Variants in ATP11A observed in about 807,000 individuals in gnomAD.
The protein encoded by ATP11A is phospholipid-transporting ATPase IH.
Under a neutral mutation model 154.4 loss-of-function variants are expected in ATP11A, and 81 were observed. The ratio of observed to expected loss-of-function variants is 0.52; its 90% CI spans 0.44 to 0.63. The LOEUF (loss-of-function observed/expected upper bound fraction) is 0.63. ATP11A is among the 30% of genes least tolerant of loss of function. ATP11A has a pLI of 0.00. For synonymous variants in ATP11A, 623 were observed against 585.9 expected, an observed-to-expected ratio of 1.06 and a Z score of -0.91; for missense variants, 1,316 against 1,474.3, an observed-to-expected ratio of 0.89 and a Z score of 1.76.
At chr13:112,728,963 G>A (rs1890197522) in intron 1 of ATP11A, among the ~76,000 whole-genome samples, 1 of 152,200 alleles carries the variant, frequency 6.6e-6, no homozygotes, top group African/African-American at 2.4e-5. Flanking sequence ...CATGTGACAA[G>A]CAAATGCAGT....
chr13:112,836,422 G>C (rs962093108), intron 16 of ATP11A, among the ~76,000 whole-genome samples, 171 bp downstream of exon 16: 19 of 152,038 alleles, frequency 1.2e-4, no homozygotes, highest in African/African-American at 4.6e-4. Context: ...TTTTTAAAAA[G>C]TGCAACATTT....
At position 112,817,475 on chromosome 13, in the gene ATP11A, G is replaced by A. The variant is rs1393667360; in HGVS notation, c.570+1264G>A. On this transcript the variant is annotated intron_variant, in intron 6 of 29. Transcript: ENST00000375645. ...AAAGATTGTCAGCAGTTTCTAGGGG[G>A]TCGGAATCCCTGGATGATTCAGGTA... Among the ~76,000 whole-genome samples, 3 of 152,358 alleles carry A rather than the reference G, an allele frequency of 2.0e-5. No individual in the cohort carries two copies. The South Asian group carries it at 6.2e-4, about 32-fold the overall frequency.
At position 112,690,483 on chromosome 13, in the gene ATP11A, A is replaced by T. The variant is rs1383318283; in HGVS notation, c.39+28A>T. On this transcript the variant is annotated intron_variant, in intron 1 of 29. Coordinates refer to ENST00000375645, the MANE Select transcript of ATP11A (RefSeq NM_015205.3). The surrounding 1 kb of genome is among the most constrained non-coding windows in gnomAD (Gnocchi z 5.6). ...GAGTGCTCCCGGCGCGGGCTGGGGG[A>T]CCCGGGGACCAGACAGACGCGGGCC... is the stretch of plus-strand genomic sequence containing the variant. 3 of 1,323,376 alleles carry T rather than the reference A, an allele frequency of 2.3e-6. No homozygotes were observed. The highest frequency in any genetic ancestry group is 1.5e-5 in the African/African-American group (1 of 66,632). 82.0% of individuals were successfully genotyped at this position (1,323,376 alleles called of 1,614,324 possible). A position where few individuals can be genotyped will look rare whatever the true frequency, so the allele number is the denominator to read the frequency against.
At chr13:112,840,634 C>T (rs1487657825) in intron 16 of ATP11A, among the ~76,000 whole-genome samples, 2 of 151,846 alleles carry the variant, frequency 1.3e-5, no homozygotes, top group Non-Finnish European at 2.9e-5. Context: ...TTGGCAACAC[C>T]TGTGTCACCA....
chr13:112,857,944 C>T (rs1187618284), intron 21 of ATP11A, 24 bp downstream of exon 21: 5 of 1,611,128 alleles, frequency 3.1e-6, no homozygotes, highest in Non-Finnish European at 3.4e-6. Flanking sequence ...TTGCTGCTGG[C>T]ACATCCTGGT....
chr13:112,859,192 C>T lies in ATP11A; in HGVS notation c.2668-201C>T. On this transcript the variant is annotated intron_variant, in intron 22 of 29. Coordinates refer to ENST00000375645, the MANE Select transcript of ATP11A (RefSeq NM_015205.3). The surrounding 1 kb of genome is among the most constrained non-coding windows in gnomAD (Gnocchi z 4.3). ...AAATTTCCTCTATACGTTGTCTGTC[C>T]TGAGTGGCCAAAACGTGGTCACATG... is the stretch of plus-strand genomic sequence containing the variant. 1 of 596,118 alleles carries T rather than the reference C, an allele frequency of 1.7e-6. No homozygotes were observed. Among genetic ancestry groups the T allele is most frequent in the Non-Finnish European group, 3.0e-6 (1 of 329,144 alleles). The allele number at this position is 596,118 out of a possible 1,614,324, so 36.9% of individuals were successfully genotyped here. A position where few individuals can be genotyped will look rare whatever the true frequency, so the allele number is the denominator to read the frequency against.
At chr13:112,846,340 G>A (rs745506143) in intron 17 of ATP11A, among the ~76,000 whole-genome samples, 5 of 152,080 alleles carry the variant, frequency 3.3e-5, no homozygotes, top group East Asian at 3.9e-4. Flanking sequence ...GGTTTTCCAC[G>A]TTTCTTTAGA....
At chr13:112,739,774 C>CAATG (rs1303310421) in intron 1 of ATP11A, among the ~76,000 whole-genome samples, 5 of 152,146 alleles carry the variant, frequency 3.3e-5, no homozygotes, top group Non-Finnish European at 7.3e-5. Flanking sequence ...TTTATCCTTA[C>CAATG]AATGGAGTAG....
chr13:112,870,337 G>A (rs2140408209), intron 25 of ATP11A, among the ~76,000 whole-genome samples: 1 of 152,240 alleles, frequency 6.6e-6, no homozygotes, highest in Non-Finnish European at 1.5e-5. Flanking sequence ...GGTGATGGGT[G>A]TGTTGTTTTG....
intron 1 of ATP11A, among the ~76,000 whole-genome samples, chr13:112,778,483 C>T (rs1418810767): frequency 1.3e-5 from 2 of 152,244 alleles, no homozygotes; most frequent in African/African-American, 4.8e-5. Flanking sequence ...CCTGCAATCT[C>T]AGTGCTTTGG....
At chr13:112,834,413 G>T (rs1486669398) in intron 14 of ATP11A, among the ~76,000 whole-genome samples, 176 bp from the exon 15 acceptor site, 1 of 152,134 alleles carries the variant, frequency 6.6e-6, no homozygotes, top group African/African-American at 2.4e-5. Flanking sequence ...TTTTTGAGAT[G>T]GTGAATAAGT....
At chr13:112,808,112 A>G (rs531317760) in intron 4 of ATP11A, among the ~76,000 whole-genome samples, 12 of 152,038 alleles carry the variant, frequency 7.9e-5, no homozygotes, top group Admixed American at 5.9e-4. Flanking sequence ...CCGAGCCCCC[A>G]TGGATGCAGA....
At chr13:112,705,514 A>G (rs376355941) in intron 1 of ATP11A, among the ~76,000 whole-genome samples, 4 of 152,204 alleles carry the variant, frequency 2.6e-5, no homozygotes, top group African/African-American at 7.2e-5. Flanking sequence ...CATGGCATGT[A>G]GCACACCCGC....
chr13:112,718,538 A>T (rs1178903447), intron 1 of ATP11A, among the ~76,000 whole-genome samples: 1 of 152,058 alleles, frequency 6.6e-6, no homozygotes, highest in Non-Finnish European at 1.5e-5. Context: ...TGCGGTGGGG[A>T]TGGGAACCCG....
intron 16 of ATP11A, 94 bp downstream of exon 16, chr13:112,836,345 G>T: frequency 1.5e-6 from 1 of 679,474 alleles, no homozygotes; most frequent in South Asian, 2.3e-5. Flanking sequence ...AAGGATTTAG[G>T]GTTTAAGAAT....
chr13:112,861,940 C>T (rs1411786731), intron 24 of ATP11A, among the ~76,000 whole-genome samples: 2 of 151,874 alleles, frequency 1.3e-5, no homozygotes, highest in Admixed American at 1.3e-4. Context: ...AGACATGTGT[C>T]TGAAAGGAAT....
chr13:112,844,954 T>C (rs2079541799), intron 17 of ATP11A, among the ~76,000 whole-genome samples: 1 of 151,838 alleles, frequency 6.6e-6, no homozygotes, highest in South Asian at 2.1e-4. Context: ...TGCCGGGCAC[T>C]AGCAGTACTA....
chr13:112,787,662 G>T (rs71446650), intron 2 of ATP11A, among the ~76,000 whole-genome samples: 1,813 of 120,038 alleles, frequency 0.015, 2 homozygotes, highest in African/African-American at 0.03. Context: ...GACCCCTGTG[G>T]ATACCTACTT....
rs7338103 is a variant in ATP11A at position 112,841,562 on chromosome 13, C to T, written c.1706-714C>T. Among the ~76,000 whole-genome samples the T allele has an allele frequency of 4.8e-3, 727 of 150,250 alleles. 5 individuals carry two copies. The highest frequency in any genetic ancestry group is 0.014 in the African/African-American group (550 of 40,718). On this transcript the variant is annotated intron_variant, in intron 16 of 29. Coordinates refer to ENST00000375645, the MANE Select transcript of ATP11A (RefSeq NM_015205.3). Reference sequence around the variant, plus strand: ...CAGGTGCAGAGGGGGCTCTGTGTGTCGGGAGCACCTGCGCCCAGGCACAAA... The same window carrying T: ...CAGGTGCAGAGGGGGCTCTGTGTGTTGGGAGCACCTGCGCCCAGGCACAAA...
Sources: gnomAD v4.1 joint callset for allele counts (sites outside exome capture counted in the v4.1 genomes callset) on GRCh38, gnomAD v4.1.1 for gene constraint, Gnocchi (gnomAD v3.1) non-coding constraint, MANE v1.5 for transcripts, NCBI Gene and HGNC (gene_info 2026-07-23, HGNC 2026-07-21) for gene names.